PARD3B: variants seen among roughly 807,000 people sequenced by gnomAD.
PARD3B encodes partitioning defective 3 homolog B.
Under a neutral mutation model 130.2 loss-of-function variants are expected in PARD3B, and 103 were observed. That is an observed-to-expected ratio of 0.79 (90% CI 0.67 to 0.93). The LOEUF (loss-of-function observed/expected upper bound fraction) is 0.93, where lower values mean the gene tolerates loss of function less well. Ranked by LOEUF, PARD3B falls within the 40% of genes least tolerant of loss-of-function variation. The pLI, the probability that PARD3B is intolerant of heterozygous loss-of-function variation, is 0.00. For synonymous variants in PARD3B, 583 were observed against 553.2 expected (o/e 1.05, Z -0.76); for missense variants, 1,609 against 1,499.2 (o/e 1.07, Z -1.21).
chr2:204,824,810 A>G (rs765747669), intron 2 of PARD3B, among the ~76,000 whole-genome samples: 10 of 152,114 alleles, frequency 6.6e-5, no homozygotes, highest in Non-Finnish European at 1.0e-4. Context: ...ACATTCCTAC[A>G]ATCAGGTTTT....
intron 18 of PARD3B, among the ~76,000 whole-genome samples, chr2:205,336,149 C>T (rs1433767923): frequency 6.6e-6 from 1 of 152,170 alleles, no homozygotes; most frequent in Non-Finnish European, 1.5e-5. Flanking sequence ...CCACCGCATC[C>T]AGCCAACCCT....
In PARD3B at chr2:204,623,271, G is replaced by A. The variant is rs2034366678; in HGVS notation, c.121-62910G>A. On this transcript the variant is annotated intron_variant, in intron 1 of 22. Coordinates refer to ENST00000406610, the MANE Select transcript of PARD3B (RefSeq NM_001302769.2). This position sits in a 1 kb window ranked among gnomAD's most constrained non-coding sequence, Gnocchi z 4.5. ...TAGCTATAGGACAATATCAAAACCA[G>A]CATAAAAATCAGAATATTGGCATCT... Among the ~76,000 whole-genome samples the A allele has an allele frequency of 6.6e-6, 1 of 152,052 alleles. No homozygotes were observed. The highest frequency in any genetic ancestry group is 1.5e-5 in the Non-Finnish European group (1 of 67,988).
chr2:205,092,728 A>G lies in PARD3B; in HGVS notation c.505-11698A>G, dbSNP rs527887845. Among the ~76,000 whole-genome samples the G allele has an allele frequency of 1.8e-4, 27 of 152,256 alleles. No individual in the cohort carries two copies. The South Asian group carries it at 5.4e-3, about 30-fold the overall frequency. ...TGCTTGCAGTCTTGCCTCAAGTGTAAGGTCCCCATACTGATCAACAATCTC... is the reference window on the plus strand; with the variant it reads ...TGCTTGCAGTCTTGCCTCAAGTGTAGGGTCCCCATACTGATCAACAATCTC... On this transcript the variant is annotated intron_variant, in intron 4 of 22. Transcript: ENST00000406610.
intron 18 of PARD3B, among the ~76,000 whole-genome samples, chr2:205,313,226 C>T (rs1478097382): frequency 6.6e-6 from 1 of 152,142 alleles, no homozygotes; most frequent in Non-Finnish European, 1.5e-5. Context: ...AAAGAGGACC[C>T]AGAGACAGAT....
chr2:205,213,104 T>A (rs2037731920), intron 15 of PARD3B, among the ~76,000 whole-genome samples: 2 of 152,104 alleles, frequency 1.3e-5, no homozygotes, highest in Admixed American at 1.3e-4. Flanking sequence ...ATAAGGCTTG[T>A]CAGTTTCCCA....
chr2:205,350,419 A>G (rs1342655603), intron 18 of PARD3B, among the ~76,000 whole-genome samples: 3 of 152,188 alleles, frequency 2.0e-5, no homozygotes, highest in South Asian at 4.1e-4. Flanking sequence ...CGCATCTCAT[A>G]AAGTTAGATT....
chr2:204,622,486 A>C (rs1172738392), intron 1 of PARD3B, among the ~76,000 whole-genome samples: 1 of 152,112 alleles, frequency 6.6e-6, no homozygotes, highest in Non-Finnish European at 1.5e-5. Context: ...CACGTGTTTG[A>C]GCCTTTGTAT....
intron 22 of PARD3B, among the ~76,000 whole-genome samples, chr2:205,594,530 G>A (rs919452227): frequency 3.3e-5 from 5 of 152,154 alleles, no homozygotes; most frequent in Non-Finnish European, 5.9e-5. Context: ...AGGGGCACAT[G>A]GGAAATGTCA....
intron 20 of PARD3B, among the ~76,000 whole-genome samples, chr2:205,466,346 G>A (rs183315209): frequency 3.2e-4 from 48 of 152,286 alleles, no homozygotes; most frequent in Non-Finnish European, 1.5e-4. Flanking sequence ...TATTGTTGGT[G>A]CTGTTAGCCC....
intron 18 of PARD3B, among the ~76,000 whole-genome samples, chr2:205,388,255 G>C (rs529631308): frequency 1.3e-5 from 2 of 152,154 alleles, no homozygotes; most frequent in Non-Finnish European, 2.9e-5. Flanking sequence ...CAGCCATTTT[G>C]AACTGTGGAA....
intron 2 of PARD3B, among the ~76,000 whole-genome samples, chr2:204,815,602 A>C (rs895100379): frequency 6.6e-6 from 1 of 151,916 alleles, no homozygotes; most frequent in East Asian, 1.9e-4. Context: ...CTTTGTGAAG[A>C]GGTCATTGAT....
At chr2:205,131,682 T>C (rs1205346036) in intron 10 of PARD3B, among the ~76,000 whole-genome samples, 1 of 152,160 alleles carries the variant, frequency 6.6e-6, no homozygotes, top group Admixed American at 6.6e-5. Context: ...ATTGAATAAA[T>C]TTCAAGATGC....
chr2:205,514,485 A>G (rs1411641321), intron 21 of PARD3B, among the ~76,000 whole-genome samples: 1 of 152,180 alleles, frequency 6.6e-6, no homozygotes, highest in Non-Finnish European at 1.5e-5. Flanking sequence ...AGGAACTAAA[A>G]AAGACATTTT....
intron 20 of PARD3B, among the ~76,000 whole-genome samples, chr2:205,472,138 C>T (rs1331882001): frequency 6.6e-6 from 1 of 152,138 alleles, no homozygotes; most frequent in African/African-American, 2.4e-5. Flanking sequence ...TAGTTTAATG[C>T]ATATTGTTAT....
Position 204,990,196 on chromosome 2 carries a change from G to A in PARD3B, c.394+24873G>A, listed in dbSNP as rs113614997. 4.8e-3 allele frequency among the ~76,000 whole-genome samples: 730 copies of A among 151,758 alleles called. 6 individuals carry two copies. Among genetic ancestry groups the A allele is most frequent in the African/African-American group, 0.017 (696 of 41,406 alleles). On this transcript the variant is annotated intron_variant, in intron 3 of 22. Transcript: ENST00000406610. ...TGACCATTCAGATTTACTCTTCTGT[G>A]ATGTTCCTGGTAAGATTTTTGACAA... is the stretch of plus-strand genomic sequence containing the variant.
In PARD3B at chr2:205,583,418, TGAGA is replaced by T. The variant is rs60619288; in HGVS notation, c.3260+30030_3260+30033del. Among the ~76,000 whole-genome samples the T allele has an allele frequency of 5.9e-4, 90 of 151,396 alleles. No homozygotes were observed. In the East Asian group the frequency reaches 8.8e-3, roughly 15 times the overall value. ...GTGTGTGTGCGCGCGCACGCGCGTG[TGAGA>T]GAGAGAGAGAGAGATGCACATACTA... On this transcript the variant is annotated intron_variant, in intron 22 of 22. Coordinates refer to ENST00000406610, the MANE Select transcript of PARD3B (RefSeq NM_001302769.2).
chr2:205,231,207 A>G (rs1030592114), intron 15 of PARD3B, among the ~76,000 whole-genome samples: 2 of 151,756 alleles, frequency 1.3e-5, no homozygotes, highest in African/African-American at 4.8e-5. Flanking sequence ...GGAAGCTTCT[A>G]TTTGGCTCTC....
intron 18 of PARD3B, among the ~76,000 whole-genome samples, chr2:205,308,583 G>T (rs1441117603): frequency 7.5e-6 from 1 of 133,932 alleles, no homozygotes; most frequent in Non-Finnish European, 1.6e-5. Context: ...CTCTAGCCTG[G>T]GTGAGAGCGA....
intron 20 of PARD3B, among the ~76,000 whole-genome samples, chr2:205,467,016 C>G (rs1198223963): frequency 6.6e-6 from 1 of 152,200 alleles, no homozygotes; most frequent in East Asian, 1.9e-4. Flanking sequence ...CCCAACCAGG[C>G]TTGGTATTAT....
Sources: gnomAD v4.1 joint callset for allele counts (sites outside exome capture counted in the v4.1 genomes callset) on GRCh38, gnomAD v4.1.1 for gene constraint, Gnocchi (gnomAD v3.1) non-coding constraint, MANE v1.5 for transcripts, NCBI Gene and HGNC (gene_info 2026-07-23, HGNC 2026-07-21) for gene names.